Variants in HDLBP observed in about 807,000 individuals in gnomAD.
HDLBP encodes the protein high density lipoprotein binding protein, also known as vigilin.
HDLBP carries 30 observed loss-of-function variants against 137.3 expected under a neutral mutation model. That is an observed-to-expected ratio of 0.22 (90% CI 0.16 to 0.30). The LOEUF (loss-of-function observed/expected upper bound fraction) is 0.30. HDLBP is among the 10% of genes least tolerant of loss of function. The pLI, the probability that HDLBP is intolerant of heterozygous loss-of-function variation, is 1.00. For synonymous variants in HDLBP, 606 were observed against 596.0 expected, an observed-to-expected ratio of 1.02 and a Z score of -0.24; for missense variants, 1,119 against 1,667.3, an observed-to-expected ratio of 0.67 and a Z score of 5.73.
At chr2:241,253,534 A>G in intron 9 of HDLBP, 37 bp from the exon 10 acceptor site, 1 of 1,416,584 alleles carries the variant, frequency 7.1e-7, no homozygotes, top group Non-Finnish European at 1.0e-6. Flanking sequence ...CTAAAACAGA[A>G]TGGCACAGCT....
chr2:241,299,583 G>GATGGCAGAT (rs2075319785), intron 1 of HDLBP, among the ~76,000 whole-genome samples: 1 of 150,842 alleles, frequency 6.6e-6, no homozygotes, highest in Admixed American at 6.6e-5. Context: ...ATAGGAGAGG[G>GATGGCAGAT]ATGGCAGATA....
chr2:241,267,851 C>T (rs2073795583), intron 2 of HDLBP: 1 of 1,433,196 alleles, frequency 7.0e-7, no homozygotes, highest in African/African-American at 1.4e-5. Context: ...GCAGGGGAAA[C>T]CTGGCCCAAG....
intron 1 of HDLBP, among the ~76,000 whole-genome samples, chr2:241,299,199 T>C (rs1046484721): frequency 6.6e-6 from 1 of 152,104 alleles, no homozygotes; most frequent in Non-Finnish European, 1.5e-5. Flanking sequence ...TAATGGAGGA[T>C]ATGTACTACT....
At chr2:241,246,968 A>G in intron 15 of HDLBP, 85 bp from the exon 16 acceptor site, 1 of 1,580,318 alleles carries the variant, frequency 6.3e-7, no homozygotes, top group Non-Finnish European at 8.7e-7. Context: ...AGAAGTAAGG[A>G]AGAGTCCCTC....
chr2:241,258,444 A>C (rs1353161412), intron 5 of HDLBP, among the ~76,000 whole-genome samples: 1 of 150,846 alleles, frequency 6.6e-6, no homozygotes, highest in African/African-American at 2.4e-5. Context: ...GAACTGCCTG[A>C]GCCTAGGAGG....
chr2:241,303,280 C>CA (rs1284804674), intron 1 of HDLBP, among the ~76,000 whole-genome samples: 3 of 152,176 alleles, frequency 2.0e-5, no homozygotes, highest in Non-Finnish European at 4.4e-5. Flanking sequence ...CCAGGAGCCC[C>CA]AGATGGTGCA....
At chr2:241,252,155 C>T (rs2072249516) in intron 11 of HDLBP, among the ~76,000 whole-genome samples, 2 of 152,182 alleles carry the variant, frequency 1.3e-5, no homozygotes, top group African/African-American at 4.8e-5. Flanking sequence ...CACCTACAAC[C>T]TGGCACAGGT....
intron 1 of HDLBP, among the ~76,000 whole-genome samples, chr2:241,300,000 G>A (rs1415342698): frequency 6.6e-6 from 1 of 152,168 alleles, no homozygotes; most frequent in East Asian, 1.9e-4. Context: ...CAAACTTTAT[G>A]TAGCAAAGCA....
intron 16 of HDLBP, among the ~76,000 whole-genome samples, chr2:241,244,670 A>C (rs928280605): frequency 6.6e-6 from 1 of 152,230 alleles, no homozygotes; most frequent in African/African-American, 2.4e-5. Flanking sequence ...ACTACGAGAG[A>C]TGTTGAGTGG....
chr2:241,312,326 G>C (rs1271270759), intron 1 of HDLBP, among the ~76,000 whole-genome samples: 1 of 152,180 alleles, frequency 6.6e-6, no homozygotes, highest in African/African-American at 2.4e-5. Flanking sequence ...ACTTCAGTGT[G>C]CTTGGTAAAA....
intron 1 of HDLBP, among the ~76,000 whole-genome samples, chr2:241,301,122 G>A (rs1483610442): frequency 1.3e-5 from 2 of 149,780 alleles, no homozygotes; most frequent in East Asian, 2.0e-4. Flanking sequence ...GACTACAGGC[G>A]CCCGCCACCA....
At position 241,290,959 on chromosome 2, in the gene HDLBP, C is replaced by T. The variant is rs151317789; in HGVS notation, c.-102-22418G>A. On this transcript the variant is annotated intron_variant, in intron 1 of 27. Coordinates refer to ENST00000310931, the MANE Select transcript of HDLBP (RefSeq NM_005336.6). ...GCCATGAAAATGGCACTTATTCATACACTACACGCCTCTGAAAGTGTGTTT... is the reference window on the plus strand; with the variant it reads ...GCCATGAAAATGGCACTTATTCATATACTACACGCCTCTGAAAGTGTGTTT... 3.0e-3 allele frequency among the ~76,000 whole-genome samples: 456 copies of T among 152,244 alleles called. 1 individual carries two copies. Among genetic ancestry groups the T allele is most frequent in the Non-Finnish European group, 5.0e-3 (340 of 68,036 alleles).
At chr2:241,249,800 A>G (rs1444641497) in intron 12 of HDLBP, 41 bp downstream of exon 12, 2 of 1,554,978 alleles carry the variant, frequency 1.3e-6, no homozygotes, top group South Asian at 1.2e-5. Flanking sequence ...CAAGAGACGC[A>G]AGGCCAGTGC....
In HDLBP at chr2:241,247,041, C is replaced by A. The variant is rs371578979; in HGVS notation, c.1818+15G>T. The A allele has an allele frequency of 1.9e-6, 3 of 1,600,114 alleles. No individual in the cohort carries two copies. The South Asian group carries it at 3.3e-5, about 18-fold the overall frequency. On this transcript the variant is annotated intron_variant, in intron 15 of 27. Transcript: ENST00000310931. ...CAAGGCAAGAAGAAGCAAGATGCAG[C>A]GGACAAGTTATCACCTTTTTAATGT...
At chr2:241,261,596 A>G (rs1218076268) in intron 5 of HDLBP, among the ~76,000 whole-genome samples, 1 of 152,188 alleles carries the variant, frequency 6.6e-6, no homozygotes, top group Non-Finnish European at 1.5e-5. Context: ...TGATTACAAA[A>G]CAGAAGCTCA....
rs139951282 is a variant in HDLBP at position 241,271,440 on chromosome 2, C to T, written c.-102-2899G>A. Among the ~76,000 whole-genome samples, 57 of 152,240 alleles carry T rather than the reference C, an allele frequency of 3.7e-4. 1 individual carries two copies. The East Asian group carries it at 0.01, about 27-fold the overall frequency. On this transcript the variant is annotated intron_variant, in intron 1 of 27. Coordinates refer to ENST00000310931, the MANE Select transcript of HDLBP (RefSeq NM_005336.6). Reference sequence around the variant, plus strand: ...TGTAGAGCAAAACGTGGAGTCCTGACAGAGCTGTGTGTTGCGTGGGAAACC... The same window carrying T: ...TGTAGAGCAAAACGTGGAGTCCTGATAGAGCTGTGTGTTGCGTGGGAAACC...
In HDLBP at chr2:241,272,254, CTGG is replaced by C. The variant is rs2074120665; in HGVS notation, c.-102-3716_-102-3714del. ...GCCCAGACCCCCGCCCCGCCGCCAC[CTGG>C]GGGGAAGGACCCCGCTGGCCTCCCA... On this transcript the variant is annotated intron_variant, in intron 1 of 27. Transcript: ENST00000310931. This position sits in a 1 kb window ranked among gnomAD's most constrained non-coding sequence, Gnocchi z 5.6. The C allele has an allele frequency of 2.1e-6, 2 of 969,876 alleles. No individual in the cohort carries two copies. The highest frequency in any genetic ancestry group is 3.5e-5 in the African/African-American group (2 of 56,862). The allele number at this position is 969,876 out of a possible 1,614,324, so 60.1% of individuals were successfully genotyped here. A position where few individuals can be genotyped will look rare whatever the true frequency, so the allele number is the denominator to read the frequency against.
chr2:241,245,744 G>A (rs945199967), intron 16 of HDLBP, among the ~76,000 whole-genome samples: 37 of 152,172 alleles, frequency 2.4e-4, no homozygotes, highest in Admixed American at 2.6e-4. Context: ...CAAGGCTGTA[G>A]TGAGCCATGA....
rs553886103 is a variant in HDLBP, at chr2:241,315,226, G to T, written c.-103+344C>A. ...CCCGGGGAGGGACGCCCGACTCGAT[G>T]GTCTGCGCAGGGCCCGTCGGCCCCA... On this transcript the variant is annotated intron_variant, in intron 1 of 27. Transcript: ENST00000310931. 3 of 152,246 alleles carry T rather than the reference G, an allele frequency of 2.0e-5. No individual in the cohort carries two copies. In the East Asian group the frequency reaches 5.9e-4, roughly 30 times the overall value. The allele number at this position is 152,246 out of a possible 1,614,324, so 9.4% of individuals were successfully genotyped here. A position where few individuals can be genotyped will look rare whatever the true frequency, so the allele number is the denominator to read the frequency against.
Sources: gnomAD v4.1 joint callset for allele counts (sites outside exome capture counted in the v4.1 genomes callset) on GRCh38, gnomAD v4.1.1 for gene constraint, Gnocchi (gnomAD v3.1) non-coding constraint, MANE v1.5 for transcripts, NCBI Gene and HGNC (gene_info 2026-07-23, HGNC 2026-07-21) for gene names.